The following ZC3H12B variants were observed in gnomAD, a reference collection of about 807,000 sequenced individuals.
The protein encoded by ZC3H12B is probable ribonuclease ZC3H12B.
In ZC3H12B, 7 loss-of-function variants were observed where a neutral mutation model predicts 43.9. The ratio of observed to expected loss-of-function variants is 0.16; its 90% CI spans 0.09 to 0.30. ZC3H12B has a LOEUF of 0.30. Ranked by LOEUF, ZC3H12B falls within the 10% of genes least tolerant of loss-of-function variation. The pLI is 1.00. For missense variants in ZC3H12B, 475 were observed against 670.2 expected (o/e 0.71, Z 3.22); for synonymous variants, 222 against 241.7 (o/e 0.92, Z 0.76).
the ZC3H12B span, among the ~76,000 whole-genome samples, chrX:65,247,550 T>C: frequency 8.9e-6 from 1 of 112,808 alleles, no homozygotes; most frequent in Non-Finnish European, 1.9e-5. Context: ...TGGAACACTA[T>C]GAAGCTGTAA....
chrX:65,235,350 G>A, the ZC3H12B span, among the ~76,000 whole-genome samples: 1 of 111,837 alleles, frequency 8.9e-6, no homozygotes, highest in African/African-American at 3.3e-5. Context: ...AACCTCACCA[G>A]CATCTGTTGT....
chrX:65,423,722 G>T (rs1044235276), intron 3 of ZC3H12B, among the ~76,000 whole-genome samples: 1 of 111,463 alleles, frequency 9.0e-6, no homozygotes, highest in Non-Finnish European at 1.9e-5. Context: ...TTGTAAATTT[G>T]TTTAAGTTCC....
the ZC3H12B span, among the ~76,000 whole-genome samples, chrX:65,096,199 C>T: frequency 1.2e-5 from 1 of 86,727 alleles, no homozygotes; most frequent in Admixed American, 1.6e-4. Flanking sequence ...GGAAACAACA[C>T]ACACTGGGGC....
the ZC3H12B span, among the ~76,000 whole-genome samples, chrX:65,289,138 G>T: frequency 9.0e-6 from 1 of 111,005 alleles, no homozygotes; most frequent in Non-Finnish European, 1.9e-5. Flanking sequence ...GGTCAGAAAA[G>T]TTAATGTTAT....
the ZC3H12B span, among the ~76,000 whole-genome samples, chrX:65,351,481 CT>C: frequency 1.8e-5 from 2 of 112,290 alleles, no homozygotes; most frequent in African/African-American, 6.5e-5. Context: ...TCTAATTAAA[CT>C]AAAGAGCTTC....
intron 3 of ZC3H12B, chrX:65,470,300 G>C (rs1161408094): frequency 8.5e-6 from 1 of 117,309 alleles, no homozygotes; most frequent in Non-Finnish European, 1.9e-5. Context: ...GATATATGAA[G>C]ATCATCGAGA....
the ZC3H12B span, among the ~76,000 whole-genome samples, chrX:65,220,455 A>G: frequency 4.5e-4 from 51 of 112,155 alleles, no homozygotes; most frequent in Non-Finnish European, 7.7e-4. Context: ...GCTGTCTTCA[A>G]GAGACTCACC....
the ZC3H12B span, among the ~76,000 whole-genome samples, chrX:65,249,163 C>A: frequency 9.0e-6 from 1 of 111,720 alleles, no homozygotes; most frequent in Non-Finnish European, 1.9e-5. Context: ...CCTAAACCAA[C>A]ATCTAGAAGG....
the ZC3H12B span, among the ~76,000 whole-genome samples, chrX:65,128,502 G>T: frequency 6.3e-5 from 7 of 111,597 alleles, no homozygotes; most frequent in Non-Finnish European, 1.1e-4. Context: ...GACATGTTTT[G>T]TTGGTGCATT....
chrX:65,039,312 T>A, the ZC3H12B span, among the ~76,000 whole-genome samples: 1 of 112,109 alleles, frequency 8.9e-6, no homozygotes, highest in East Asian at 2.8e-4. Flanking sequence ...GAAGATTAAC[T>A]TTGTTACTGA....
At chrX:65,167,565 G>A in the ZC3H12B span, among the ~76,000 whole-genome samples, 3 of 111,440 alleles carry the variant, frequency 2.7e-5, no homozygotes, top group Non-Finnish European at 5.7e-5. Context: ...AGTAGTTTTT[G>A]CTAATTCTGT....
the ZC3H12B span, among the ~76,000 whole-genome samples, chrX:65,283,108 C>A: frequency 9.0e-6 from 1 of 111,361 alleles, no homozygotes; most frequent in African/African-American, 3.3e-5. Context: ...AGCATCACAT[C>A]GAAAAGCTTA....
the ZC3H12B span, among the ~76,000 whole-genome samples, chrX:65,344,244 G>C: frequency 1.8e-5 from 2 of 112,145 alleles, no homozygotes; most frequent in African/African-American, 6.5e-5. Context: ...TCGTTAAAAT[G>C]GCCACAGTGC....
the ZC3H12B span, among the ~76,000 whole-genome samples, chrX:65,155,769 A>G: frequency 9.0e-6 from 1 of 110,802 alleles, no homozygotes; most frequent in Admixed American, 9.7e-5. Flanking sequence ...TTGATGTGGG[A>G]AGATCACTTC....
chrX:65,296,177 C>T, the ZC3H12B span, among the ~76,000 whole-genome samples: 3 of 111,722 alleles, frequency 2.7e-5, no homozygotes, highest in Admixed American at 9.5e-5. Flanking sequence ...ACTACTCAGG[C>T]ATAAAAATGA....
the ZC3H12B span, among the ~76,000 whole-genome samples, chrX:65,333,738 A>T: frequency 8.9e-6 from 1 of 111,890 alleles, no homozygotes; most frequent in Middle Eastern, 4.6e-3. Context: ...ATAGTTGATT[A>T]TGAAACAACC....
At chrX:65,224,266 GA>G in the ZC3H12B span, among the ~76,000 whole-genome samples, 2 of 112,680 alleles carry the variant, frequency 1.8e-5, no homozygotes, top group African/African-American at 6.4e-5. Flanking sequence ...AAAGACATAG[GA>G]ATGATACAAT....
chrX:65,478,118 C>T (rs912189835), intron 3 of ZC3H12B, among the ~76,000 whole-genome samples: 2 of 111,726 alleles, frequency 1.8e-5, no homozygotes, highest in African/African-American at 3.3e-5. Context: ...GACATACTTT[C>T]TTATAATCTT....
At chrX:65,367,774 A>T (rs1377419427) in intron 1 of ZC3H12B, among the ~76,000 whole-genome samples, 3 of 110,589 alleles carry the variant, frequency 2.7e-5, no homozygotes, top group African/African-American at 9.9e-5. Flanking sequence ...TCTTAATTTC[A>T]TGTGTCCTGA....
Sources: allele counts gnomAD v4.1 joint callset (sites outside exome capture counted in the v4.1 genomes callset), GRCh38; gene constraint gnomAD v4.1.1; transcripts MANE v1.5; gene names NCBI Gene and HGNC (gene_info 2026-07-23, HGNC 2026-07-21).